FBXO38: variants seen among roughly 807,000 people sequenced by gnomAD.
The protein encoded by FBXO38 is F-box protein 38.
A neutral mutation model predicts 131.9 loss-of-function variants in FBXO38; 53 were observed. The observed-to-expected ratio is 0.40, with a 90% confidence interval of 0.32 to 0.51. FBXO38 has a LOEUF of 0.51. Ranked by LOEUF, FBXO38 falls within the 20% of genes least tolerant of loss-of-function variation. The pLI, the probability that FBXO38 is intolerant of heterozygous loss-of-function variation, is 0.53. For missense variants in FBXO38, 1,076 were observed against 1,475.6 expected (o/e 0.73, Z 4.44); for synonymous variants, 452 against 505.6 (o/e 0.89, Z 1.42).
intron 11 of FBXO38, 94 bp downstream of exon 11, chr5:148,416,164 G>A (rs1311961703): frequency 1.6e-6 from 2 of 1,248,998 alleles, no homozygotes; most frequent in Non-Finnish European, 2.2e-6. Flanking sequence ...TCAATGATAT[G>A]CCTTTACGGT....
chr5:148,428,968 T>G (rs1229585561), intron 15 of FBXO38, among the ~76,000 whole-genome samples: 3 of 152,216 alleles, frequency 2.0e-5, no homozygotes, highest in Non-Finnish European at 2.9e-5. Context: ...TAATATCTTT[T>G]TTTTAATTGG....
At chr5:148,395,402 T>C (rs1458367288) in intron 2 of FBXO38, among the ~76,000 whole-genome samples, 1 of 152,114 alleles carries the variant, frequency 6.6e-6, no homozygotes, top group Non-Finnish European at 1.5e-5. Context: ...TAAAGTTGTT[T>C]TATGATGAAC....
chr5:148,418,593 G>A (rs72832036), intron 12 of FBXO38, among the ~76,000 whole-genome samples: 105 of 152,278 alleles, frequency 6.9e-4, no homozygotes, highest in Admixed American at 4.3e-3. Flanking sequence ...AGACAGTCAC[G>A]TATTGTCTCT....
intron 1 of FBXO38, among the ~76,000 whole-genome samples, chr5:148,393,747 C>T (rs1023188673): frequency 3.3e-5 from 5 of 152,082 alleles, no homozygotes; most frequent in Admixed American, 6.5e-5. Context: ...CTGAATGCAC[C>T]TCTTTTCAGC....
chr5:148,402,441 GC>G lies in FBXO38; in HGVS notation c.521del (p.Ala174ValfsTer10). 1 of 1,612,938 alleles carries G rather than the reference GC, an allele frequency of 6.2e-7. No homozygotes were observed. The highest frequency in any genetic ancestry group is 8.5e-7 in the Non-Finnish European group (1 of 1,179,312). ...GGGGAAATTTCGTAATCGTAATGGA[GC>G]TTTTCCAATTCCTCCTGAAAATAAA... ...ILGKFRNRNG[A>X]FPIPPENKLK... On this transcript the variant is annotated frameshift_variant, in exon 5 of 22. Transcript: ENST00000340253. LOFTEE classifies it high-confidence loss of function.
Position 148,415,942 on chromosome 5 carries a change from A to T in FBXO38, c.1279A>T (p.Thr427Ser). The T allele has an allele frequency of 6.2e-7, 1 of 1,613,518 alleles. No individual in the cohort carries two copies. Among genetic ancestry groups the T allele is most frequent in the Non-Finnish European group, 8.5e-7 (1 of 1,179,640 alleles). Residue 427 changes from threonine to serine, a missense_variant, in exon 11 of 22, where the codon ACT (threonine) becomes TCT (serine). Physicochemically the swap from Thr to Ser is moderately conservative, Grantham distance 58. Transcript: ENST00000340253. ...TTCTTTAACAGACCACTCAAGATGG[A>T]CTCGATTGGTTGATATCAACCTAGT... ...YNWISDHSRW[T>S]RLVDINLVRC...
chr5:148,425,752 G>A (rs898826317), intron 14 of FBXO38, 51 bp downstream of exon 14: 1 of 1,518,972 alleles, frequency 6.6e-7, no homozygotes, highest in Non-Finnish European at 9.0e-7. Flanking sequence ...TATCAGAACT[G>A]ACACACTTGG....
In FBXO38 at chr5:148,414,234, G is replaced by A; in HGVS notation, c.1192G>A (p.Val398Ile). 1.9e-6 allele frequency: 3 copies of A among 1,612,462 alleles called. No homozygotes were observed. Among genetic ancestry groups the A allele is most frequent in the Non-Finnish European group, 2.5e-6 (3 of 1,179,274 alleles). ...TDIGMKAVNE[V>I]FSCIKYLAIY... ...TATAGGGATGAAAGCAGTCAATGAAGTTTTTTCCTGTATCAAATATCTGGC... is the reference window on the plus strand; with the variant it reads ...TATAGGGATGAAAGCAGTCAATGAAATTTTTTCCTGTATCAAATATCTGGC... Residue 398 changes from valine to isoleucine, a missense_variant, in exon 10 of 22, where the codon GTT (valine) becomes ATT (isoleucine). Physicochemically the swap from Val to Ile is conservative, Grantham distance 29. This residue lies in a region of FBXO38 where 146 missense variants were observed against 274.3 expected (regional missense o/e 0.53). Transcript: ENST00000340253.
chr5:148,424,459 C>G (rs77162519), intron 13 of FBXO38, among the ~76,000 whole-genome samples: 2 of 152,114 alleles, frequency 1.3e-5, no homozygotes, highest in Non-Finnish European at 2.9e-5. Flanking sequence ...CCCCTCAATT[C>G]AGTTAGAGAG....
intron 15 of FBXO38, 28 bp from the exon 16 acceptor site, chr5:148,433,396 G>A (rs781467214): frequency 1.9e-6 from 3 of 1,545,742 alleles, no homozygotes; most frequent in South Asian, 1.1e-5. Flanking sequence ...GCTAAAATTT[G>A]GATTTTCTTT....
At position 148,425,540 on chromosome 5, in the gene FBXO38, G is replaced by A. The variant is rs369833842; in HGVS notation, c.1757G>A (p.Arg586His). 31 of 1,613,216 alleles carry A rather than the reference G, an allele frequency of 1.9e-5. No individual in the cohort carries two copies. Among genetic ancestry groups the A allele is most frequent in the African/African-American group, 8.0e-5 (6 of 74,836 alleles). The change falls in exon 14 of 22, where the codon CGT becomes CAT. Residue 586 changes from arginine to histidine, a missense_variant. Arg to His is a conservative substitution (Grantham distance 29). Coordinates refer to ENST00000340253, the MANE Select transcript of FBXO38 (RefSeq NM_205836.3). ...EEQAGPSGLQ[R>H]VVKPTSITVH... ...TTTTAAGGACCCAGTGGTCTTCAGC[G>A]TGTAGTAAAACCAACCTCAATTACT... is the stretch of plus-strand genomic sequence containing the variant.
chr5:148,423,375 G>A (rs962742129), intron 12 of FBXO38, among the ~76,000 whole-genome samples: 6 of 152,096 alleles, frequency 3.9e-5, no homozygotes, highest in Non-Finnish European at 5.9e-5. Context: ...AGATTGCTAC[G>A]AGAAATAAAT....
intron 2 of FBXO38, among the ~76,000 whole-genome samples, chr5:148,396,204 AATG>A (rs1298152228): frequency 6.6e-6 from 1 of 152,178 alleles, no homozygotes; most frequent in Non-Finnish European, 1.5e-5. Context: ...TACAGAACAA[AATG>A]ATATTAACGT....
chr5:148,415,477 T>C (rs1752999237), intron 10 of FBXO38: 2 of 157,666 alleles, frequency 1.3e-5, no homozygotes, highest in Non-Finnish European at 2.8e-5. Flanking sequence ...AAATGATTTA[T>C]ATTATACCAA....
intron 12 of FBXO38, chr5:148,423,693 G>A (rs1487841092): frequency 5.1e-6 from 1 of 195,344 alleles, no homozygotes; most frequent in African/African-American, 2.3e-5. Context: ...TAATCTGAAT[G>A]GCATCTTTTT....
chr5:148,416,133 G>GT, intron 11 of FBXO38, 63 bp downstream of exon 11: 9 of 1,302,798 alleles, frequency 6.9e-6, no homozygotes, highest in Admixed American at 2.7e-5. Context: ...AACAGCCTGT[G>GT]ATTTTTTTTT....
At chr5:148,419,521 A>T (rs867659035) in intron 12 of FBXO38, among the ~76,000 whole-genome samples, 2 of 152,254 alleles carry the variant, frequency 1.3e-5, no homozygotes, top group South Asian at 4.1e-4. Context: ...TCAAGTGAAA[A>T]TAATAATTTT....
At chr5:148,405,221 G>T (rs1363415233) in intron 6 of FBXO38, among the ~76,000 whole-genome samples, 1 of 152,080 alleles carries the variant, frequency 6.6e-6, no homozygotes. Context: ...TAGTGTCCCT[G>T]TTGCCCTAGA....
At chr5:148,416,743 G>A (rs967538127) in intron 11 of FBXO38, 2 of 457,706 alleles carry the variant, frequency 4.4e-6, no homozygotes, top group Non-Finnish European at 3.9e-6. Context: ...CCACTTACTG[G>A]CCATGTGCTG....
Sources: allele counts gnomAD v4.1 joint callset (sites outside exome capture counted in the v4.1 genomes callset), GRCh38; gene constraint gnomAD v4.1.1; regional missense constraint gnomAD v4.1.1; transcripts MANE v1.5; gene names NCBI Gene and HGNC (gene_info 2026-07-23, HGNC 2026-07-21).